LUZP2: variants seen among roughly 807,000 people sequenced by gnomAD.
LUZP2 encodes leucine zipper protein 2.
In LUZP2, 52 loss-of-function variants were observed where a neutral mutation model predicts 51.6. The observed-to-expected ratio is 1.01, with a 90% CI of 0.81 to 1.27. LUZP2 has a LOEUF of 1.27. LUZP2 is among the 50% of genes most tolerant of loss of function. The pLI, the probability that LUZP2 is intolerant of heterozygous loss-of-function variation, is 0.00. For missense variants in LUZP2, 436 were observed against 395.4 expected (o/e 1.10, Z -0.87); for synonymous variants, 154 against 137.3 (o/e 1.12, Z -0.85).
At chr11:24,680,847 C>A (rs982503087) in intron 1 of LUZP2, among the ~76,000 whole-genome samples, 1 of 152,188 alleles carries the variant, frequency 6.6e-6, no homozygotes, top group Non-Finnish European at 1.5e-5. Flanking sequence ...TACCTGACTT[C>A]AAAGTCCATA....
At chr11:24,748,607 G>A (rs376157272) in intron 4 of LUZP2, among the ~76,000 whole-genome samples, 19 of 151,996 alleles carry the variant, frequency 1.3e-4, no homozygotes, top group African/African-American at 3.9e-4. Context: ...CTACTGGCGC[G>A]TGCCACCACA....
intron 5 of LUZP2, among the ~76,000 whole-genome samples, chr11:24,851,354 A>G (rs2134223083): frequency 6.6e-6 from 1 of 152,244 alleles, no homozygotes; most frequent in Admixed American, 6.5e-5. Context: ...GCATCTATTG[A>G]GATAATCATG....
At chr11:24,863,623 A>T (rs1439072085) in intron 5 of LUZP2, among the ~76,000 whole-genome samples, 1 of 152,180 alleles carries the variant, frequency 6.6e-6, no homozygotes, top group Non-Finnish European at 1.5e-5. Context: ...CAATTCTAAA[A>T]GTAAATAATG....
At chr11:24,849,675 G>C (rs1590635492) in intron 5 of LUZP2, among the ~76,000 whole-genome samples, 1 of 152,076 alleles carries the variant, frequency 6.6e-6, no homozygotes, top group East Asian at 1.9e-4. Context: ...GGTATTTCTT[G>C]TTCTAGATCC....
At chr11:24,856,450 G>A (rs1851569277) in intron 5 of LUZP2, among the ~76,000 whole-genome samples, 1 of 152,036 alleles carries the variant, frequency 6.6e-6, no homozygotes, top group Admixed American at 6.5e-5. Context: ...CAGGGATGTA[G>A]AGAAAAGATA....
At chr11:24,896,299 G>A (rs1454266415) in intron 5 of LUZP2, among the ~76,000 whole-genome samples, 13 of 152,156 alleles carry the variant, frequency 8.5e-5, no homozygotes, top group African/African-American at 2.6e-4. Flanking sequence ...GAGAGGCGCC[G>A]CCAGAACCGG....
intron 7 of LUZP2, among the ~76,000 whole-genome samples, chr11:24,944,673 T>C (rs1475496896): frequency 1.3e-5 from 2 of 152,178 alleles, no homozygotes; most frequent in South Asian, 4.1e-4. Flanking sequence ...GTTGCAAGGA[T>C]TGGGGAAGGT....
intron 1 of LUZP2, among the ~76,000 whole-genome samples, chr11:24,570,881 G>A (rs1852415728): frequency 6.6e-6 from 1 of 151,984 alleles, no homozygotes; most frequent in Admixed American, 6.6e-5. Flanking sequence ...TAAGGCCAGA[G>A]AGGAAATGAT....
At chr11:24,976,277 T>G (rs759013764) in intron 7 of LUZP2, among the ~76,000 whole-genome samples, 1 of 151,956 alleles carries the variant, frequency 6.6e-6, no homozygotes, top group Non-Finnish European at 1.5e-5. Context: ...ACTAGAAATA[T>G]AAGTGATGGA....
intron 1 of LUZP2, among the ~76,000 whole-genome samples, chr11:24,574,208 C>CT: frequency 3.1e-4 from 1 of 3,198 alleles, no homozygotes; most frequent in African/African-American, 4.5e-4. Flanking sequence ...CTCTTTCTTC[C>CT]TTCCTTTCTT....
chr11:24,545,905 T>G (rs1355701688), intron 1 of LUZP2, among the ~76,000 whole-genome samples: 1 of 152,142 alleles, frequency 6.6e-6, no homozygotes, highest in Non-Finnish European at 1.5e-5. Flanking sequence ...ATATTGATTC[T>G]TCCTATCCAT....
At chr11:24,581,139 T>C (rs1339617917) in intron 1 of LUZP2, among the ~76,000 whole-genome samples, 1 of 151,504 alleles carries the variant, frequency 6.6e-6, no homozygotes, top group African/African-American at 2.4e-5. Context: ...CACCATTAAA[T>C]TTCTTCAAAA....
intron 7 of LUZP2, among the ~76,000 whole-genome samples, chr11:24,944,058 A>C (rs1854835359): frequency 1.3e-5 from 2 of 152,118 alleles, no homozygotes. Flanking sequence ...ACTCACACAC[A>C]CATGATCACC....
rs563790590 is a variant in LUZP2 at position 24,945,305 on chromosome 11, A to T, written c.522+30767A>T. On this transcript the variant is annotated intron_variant, in intron 7 of 11. Transcript: ENST00000336930. ...AATAAGATACAGAGAGATGTTTCCA[A>T]CAGGAATGCCCATTTATTTATAACC... 1.8e-4 allele frequency among the ~76,000 whole-genome samples: 28 copies of T among 152,298 alleles called. No individual in the cohort carries two copies. The South Asian group carries it at 5.6e-3, about 30-fold the overall frequency.
chr11:25,051,325 T>C (rs2403998), intron 10 of LUZP2, among the ~76,000 whole-genome samples: 1 of 149,574 alleles, frequency 6.7e-6, no homozygotes, highest in Non-Finnish European at 1.5e-5. Flanking sequence ...TCAAAAAAAA[T>C]AAAAAAGAAA....
chr11:25,040,600 G>A (rs1858024567), intron 9 of LUZP2, among the ~76,000 whole-genome samples: 2 of 151,976 alleles, frequency 1.3e-5, no homozygotes, highest in South Asian at 4.1e-4. Flanking sequence ...CTCTCAGTCT[G>A]TTTTTTCACC....
At chr11:24,793,466 A>G (rs1038296732) in intron 5 of LUZP2, among the ~76,000 whole-genome samples, 1 of 152,168 alleles carries the variant, frequency 6.6e-6, no homozygotes, top group Non-Finnish European at 1.5e-5. Flanking sequence ...TGCAGTGAAA[A>G]GACTTTTATG....
chr11:24,728,199 T>C (rs1369506886), intron 1 of LUZP2, among the ~76,000 whole-genome samples: 1 of 151,940 alleles, frequency 6.6e-6, no homozygotes, highest in Non-Finnish European at 1.5e-5. Context: ...CTTCCTGACT[T>C]CCCTCTCAGT....
intron 5 of LUZP2, among the ~76,000 whole-genome samples, chr11:24,777,688 G>A (rs989923477): frequency 6.6e-6 from 1 of 152,048 alleles, no homozygotes; most frequent in South Asian, 2.1e-4. Flanking sequence ...TAAAAGCCAT[G>A]TGTCATAGAA....
Sources: allele counts gnomAD v4.1 joint callset (sites outside exome capture counted in the v4.1 genomes callset), GRCh38; gene constraint gnomAD v4.1.1; transcripts MANE v1.5; gene names NCBI Gene and HGNC (gene_info 2026-07-23, HGNC 2026-07-21).